Variants in CALCRL observed in about 807,000 individuals in gnomAD.
The protein encoded by CALCRL is calcitonin gene-related peptide type 1 receptor.
A neutral mutation model predicts 60.4 loss-of-function variants in CALCRL; 27 were observed. That is an observed-to-expected ratio of 0.45 (90% confidence interval 0.33 to 0.62). CALCRL has a LOEUF of 0.62. Among genes scored for constraint, CALCRL ranks in the 20% least tolerant of loss-of-function variants. The pLI is 0.03. For synonymous variants in CALCRL, 190 were observed against 182.6 expected (o/e 1.04, Z -0.33); for missense variants, 424 against 540.7 (o/e 0.78, Z 2.14).
intron 1 of CALCRL, among the ~76,000 whole-genome samples, chr2:187,423,716 G>T (rs1398874572): frequency 6.6e-6 from 1 of 151,664 alleles, no homozygotes; most frequent in Non-Finnish European, 1.5e-5. Flanking sequence ...CAAAGGCTTG[G>T]GAAAAAACTT....
chr2:187,446,374 T>C (rs1337600895), intron 1 of CALCRL, among the ~76,000 whole-genome samples: 3 of 151,692 alleles, frequency 2.0e-5, no homozygotes, highest in Non-Finnish European at 4.4e-5. Flanking sequence ...GTTCATCGCC[T>C]AGTGTTTTTC....
At chr2:187,367,337 C>G (rs1444834158) in intron 8 of CALCRL, among the ~76,000 whole-genome samples, 1 of 152,060 alleles carries the variant, frequency 6.6e-6, no homozygotes, top group African/African-American at 2.4e-5. Context: ...GTCCTACTGC[C>G]TAAAATACTA....
intron 1 of CALCRL, among the ~76,000 whole-genome samples, chr2:187,435,668 T>G (rs577197619): frequency 6.6e-6 from 1 of 152,294 alleles, no homozygotes; most frequent in East Asian, 1.9e-4. Context: ...ATATATGAAA[T>G]GCAATTTATT....
At chr2:187,442,927 T>C (rs1326346017) in intron 1 of CALCRL, among the ~76,000 whole-genome samples, 1 of 151,868 alleles carries the variant, frequency 6.6e-6, no homozygotes, top group African/African-American at 2.4e-5. Context: ...ATATTTAGGA[T>C]GTAGATTCAT....
intron 5 of CALCRL, among the ~76,000 whole-genome samples, chr2:187,381,032 A>T (rs533870231): frequency 8.8e-4 from 134 of 152,270 alleles, no homozygotes; most frequent in Non-Finnish European, 1.1e-3. Flanking sequence ...TTTAATTTTA[A>T]TTGTCAAAGG....
chr2:187,377,977 A>G (rs1180435320), intron 8 of CALCRL, among the ~76,000 whole-genome samples: 1 of 151,926 alleles, frequency 6.6e-6, no homozygotes, highest in Non-Finnish European at 1.5e-5. Context: ...TAAAATTAGT[A>G]GAAGAAGGAA....
At chr2:187,358,321 A>G (rs1230774445) in intron 12 of CALCRL, among the ~76,000 whole-genome samples, 3 of 152,064 alleles carry the variant, frequency 2.0e-5, no homozygotes, top group Non-Finnish European at 4.4e-5. Context: ...ATTCTACTGC[A>G]CTCTAGTCTG....
In CALCRL at chr2:187,351,945, G is replaced by A; in HGVS notation, c.1145C>T (p.Thr382Ile). ...CTCTCCATTAAAGAAGCAGAAAATG[G>A]TAGAGACCAAAAGACCCTGTAAAAG... Reference protein sequence around the residue: ...LMHFQGLLVSTIFCFFNGEVQ... With the variant: ...LMHFQGLLVSIIFCFFNGEVQ... The change falls in exon 14 of 15, where the codon ACC (threonine) becomes ATC (isoleucine). Residue 382 changes from threonine (T) to isoleucine (I), a missense_variant. Thr to Ile is a moderately conservative substitution (Grantham distance 89, BLOSUM62 -1). Coordinates refer to ENST00000392370, the MANE Select transcript of CALCRL (RefSeq NM_005795.6). 1 of 1,592,992 alleles carries A rather than the reference G, an allele frequency of 6.3e-7. No individual in the cohort carries two copies. The highest frequency in any genetic ancestry group is 8.6e-7 in the Non-Finnish European group (1 of 1,163,192).
intron 5 of CALCRL, among the ~76,000 whole-genome samples, chr2:187,381,658 G>A (rs945394352): frequency 6.6e-6 from 1 of 152,116 alleles, no homozygotes; most frequent in Non-Finnish European, 1.5e-5. Context: ...GTTTCACCAT[G>A]TTGGCCAGGA....
Position 187,360,769 on chromosome 2 carries a change from A to C in CALCRL, c.628-18T>G, listed in dbSNP as rs200227069. On this transcript the variant is annotated intron_variant, in intron 9 of 14. Coordinates refer to ENST00000392370, the MANE Select transcript of CALCRL (RefSeq NM_005795.6). ...CAACTAACCTGTGAGGAAAAAAAAAACCCCAATATTTACTTGTTTATGAAT... is the reference window on the plus strand; with the variant it reads ...CAACTAACCTGTGAGGAAAAAAAAACCCCCAATATTTACTTGTTTATGAAT... The C allele has an allele frequency of 1.9e-4, 298 of 1,582,338 alleles. No homozygotes were observed. The highest frequency in any genetic ancestry group is 2.3e-4 in the Non-Finnish European group (267 of 1,169,354).
At chr2:187,393,601 C>T (rs566208884) in intron 1 of CALCRL, among the ~76,000 whole-genome samples, 9 of 152,070 alleles carry the variant, frequency 5.9e-5, no homozygotes, top group Non-Finnish European at 1.2e-4. Flanking sequence ...TATTCATCTC[C>T]GGGGCTACAC....
chr2:187,375,278 C>CAAAAAA (rs35276351), intron 8 of CALCRL, among the ~76,000 whole-genome samples: 2 of 115,370 alleles, frequency 1.7e-5, no homozygotes, highest in African/African-American at 3.3e-5. Context: ...GACTCCGTCT[C>CAAAAAA]AAAAAAAAAA....
At position 187,380,446 on chromosome 2, in the gene CALCRL, C is replaced by T. The variant is rs376142823; in HGVS notation, c.408+21G>A. 4.9e-5 allele frequency: 69 copies of T among 1,397,302 alleles called. No individual in the cohort carries two copies. The African/African-American group carries it at 6.7e-4, about 13-fold the overall frequency. 86.6% of individuals were successfully genotyped at this position (1,397,302 alleles called of 1,614,324 possible). A position where few individuals can be genotyped will look rare whatever the true frequency, so the allele number is the denominator to read the frequency against. On this transcript the variant is annotated intron_variant, in intron 7 of 14. Coordinates refer to ENST00000392370, the MANE Select transcript of CALCRL (RefSeq NM_005795.6). ...TAAACAGATACTGTAAGTTAAATTT[C>T]AATTCAGAATTATGACATACCTTCA... is the stretch of plus-strand genomic sequence containing the variant.
In CALCRL at chr2:187,411,607, C is replaced by G. The variant is rs184800292; in HGVS notation, c.-292-23851G>C. 1.2e-3 allele frequency among the ~76,000 whole-genome samples: 181 copies of G among 151,854 alleles called. 2 individuals carry two copies. Among genetic ancestry groups the G allele is most frequent in the African/African-American group, 4.3e-3 (178 of 41,360 alleles). ...AAATGCTAAGATGTAGAATCGGTGT[C>G]AAAACATAGGATAAAGGATACAGAA... On this transcript the variant is annotated intron_variant, in intron 1 of 14. Coordinates refer to ENST00000392370, the MANE Select transcript of CALCRL (RefSeq NM_005795.6).
Position 187,346,283 on chromosome 2 carries a change from A to G in CALCRL, c.1287T>C (p.Gly429=), listed in dbSNP as rs755016433. The G allele has an allele frequency of 5.0e-6, 8 of 1,612,252 alleles. No individual in the cohort carries two copies. Among genetic ancestry groups the G allele is most frequent in the Non-Finnish European group, 5.1e-6 (6 of 1,178,782 alleles). ...ASYTVSTISD[G]PGYSHDCPSE... is the part of the protein sequence containing the mutation. ...TAGGACAGTCATGACTATAACCTGG[A>G]CCATCACTGATTGTTGACACTGTGT... The change falls in exon 15 of 15, where the codon GGT becomes GGC. Residue 429 remains glycine (G), a synonymous_variant. Coordinates refer to ENST00000392370, the MANE Select transcript of CALCRL (RefSeq NM_005795.6).
chr2:187,425,129 A>C (rs1323495975), intron 1 of CALCRL, among the ~76,000 whole-genome samples: 2 of 151,822 alleles, frequency 1.3e-5, no homozygotes, highest in Non-Finnish European at 3.0e-5. Flanking sequence ...AATCTAATAA[A>C]ATCTCTTCAG....
intron 1 of CALCRL, among the ~76,000 whole-genome samples, chr2:187,398,677 G>T (rs1266891115): frequency 6.6e-6 from 1 of 151,652 alleles, no homozygotes; most frequent in African/African-American, 2.4e-5. Flanking sequence ...TCATGGACAT[G>T]TGTGGTCCAA....
At chr2:187,389,635 A>AT (rs1381318167) in intron 1 of CALCRL, among the ~76,000 whole-genome samples, 1 of 152,152 alleles carries the variant, frequency 6.6e-6, no homozygotes, top group East Asian at 1.9e-4. Context: ...TTTGGTCATA[A>AT]TTTTTTTACA....
intron 1 of CALCRL, among the ~76,000 whole-genome samples, chr2:187,387,972 A>G (rs1051791064): frequency 4.5e-4 from 68 of 152,124 alleles, no homozygotes; most frequent in African/African-American, 1.4e-3. Flanking sequence ...TTATAGATCT[A>G]TATTATGAGA....
Sources: allele counts gnomAD v4.1 joint callset (sites outside exome capture counted in the v4.1 genomes callset), GRCh38; gene constraint gnomAD v4.1.1; transcripts MANE v1.5; gene names NCBI Gene and HGNC (gene_info 2026-07-23, HGNC 2026-07-21).